KCNQ5: variants seen among roughly 807,000 people sequenced by gnomAD.
KCNQ5 encodes the protein potassium voltage-gated channel subfamily KQT member 5.
KCNQ5 carries 30 observed loss-of-function variants against 98.2 expected under a neutral mutation model. The observed-to-expected ratio is 0.31, with a 90% CI of 0.23 to 0.41. The LOEUF (loss-of-function observed/expected upper bound fraction) is 0.41. Among genes scored for constraint, KCNQ5 ranks in the 10% least tolerant of loss-of-function variants. The pLI is 1.00. For missense variants in KCNQ5, 835 were observed against 1,182.5 expected (o/e 0.71, Z 4.31); for synonymous variants, 458 against 449.4 (o/e 1.02, Z -0.24).
chr6:72,731,696 A>T (rs918416342), intron 1 of KCNQ5, among the ~76,000 whole-genome samples: 2 of 152,170 alleles, frequency 1.3e-5, no homozygotes, highest in African/African-American at 4.8e-5. Context: ...AATACTTTCC[A>T]AGAAGTCCCA....
intron 1 of KCNQ5, among the ~76,000 whole-genome samples, chr6:72,786,063 C>T (rs1773724436): frequency 6.6e-6 from 1 of 152,006 alleles, no homozygotes; most frequent in Non-Finnish European, 1.5e-5. Flanking sequence ...TTGATTTAAA[C>T]CAGTATATGC....
At chr6:72,872,303 T>C (rs1001097326) in intron 1 of KCNQ5, among the ~76,000 whole-genome samples, 3 of 152,328 alleles carry the variant, frequency 2.0e-5, no homozygotes, top group African/African-American at 4.8e-5. Context: ...TCTGTTATAA[T>C]GTCACTTTTG....
At chr6:73,114,104 T>C (rs1775381992) in intron 7 of KCNQ5, among the ~76,000 whole-genome samples, 1 of 152,140 alleles carries the variant, frequency 6.6e-6, no homozygotes, top group Non-Finnish European at 1.5e-5. Flanking sequence ...GAAATAATAA[T>C]ATAATTATTA....
intron 10 of KCNQ5, among the ~76,000 whole-genome samples, chr6:73,158,827 T>A (rs917317211): frequency 4.6e-5 from 7 of 152,220 alleles, no homozygotes; most frequent in Non-Finnish European, 1.0e-4. Context: ...TGCACATTTT[T>A]AAATATTTTC....
intron 11 of KCNQ5, among the ~76,000 whole-genome samples, chr6:73,173,956 A>G (rs1370283965): frequency 6.6e-6 from 1 of 152,192 alleles, no homozygotes; most frequent in Non-Finnish European, 1.5e-5. Flanking sequence ...AATGCAACGT[A>G]TAAGTACTGT....
chr6:72,718,542 C>T (rs1023398478), intron 1 of KCNQ5, among the ~76,000 whole-genome samples: 3 of 150,308 alleles, frequency 2.0e-5, no homozygotes, highest in African/African-American at 4.9e-5. Flanking sequence ...CCTCCGCCTC[C>T]CAGGTTCAAG....
chr6:72,825,972 A>G (rs1188800567), intron 1 of KCNQ5, among the ~76,000 whole-genome samples: 1 of 152,134 alleles, frequency 6.6e-6, no homozygotes, highest in Non-Finnish European at 1.5e-5. Context: ...AGTTGCCTCC[A>G]TGGGGGTCAA....
intron 1 of KCNQ5, chr6:72,987,611 AGCAGAACCTGC>A: frequency 1.7e-6 from 1 of 589,712 alleles, no homozygotes; most frequent in Non-Finnish European, 3.1e-6. Context: ...CAGAACCTGC[AGCAGAACCTGC>A]AGCAGGACTG....
intron 9 of KCNQ5, among the ~76,000 whole-genome samples, chr6:73,131,366 A>T (rs549967831): frequency 1.3e-5 from 2 of 152,282 alleles, no homozygotes; most frequent in South Asian, 4.1e-4. Context: ...ATTTGATATT[A>T]ACTAAAACCA....
Position 73,190,713 on chromosome 6 carries a change from T to C in KCNQ5, c.1709+9T>C, listed in dbSNP as rs201977979. ...AAAAGCCTTCAAACACGGTAAGCAATGGAAATGTCATTCCTTGTAAAGGAA... is the reference window on the plus strand; with the variant it reads ...AAAAGCCTTCAAACACGGTAAGCAACGGAAATGTCATTCCTTGTAAAGGAA... On this transcript the variant is annotated intron_variant, in intron 12 of 13. Transcript: ENST00000370398. The C allele has an allele frequency of 6.6e-6, 10 of 1,518,808 alleles. No homozygotes were observed. The East Asian group carries it at 2.1e-4, about 32-fold the overall frequency. 94.1% of individuals were successfully genotyped at this position (1,518,808 alleles called of 1,614,324 possible).
intron 10 of KCNQ5, among the ~76,000 whole-genome samples, chr6:73,150,502 A>G (rs987592136): frequency 3.0e-5 from 4 of 132,988 alleles, no homozygotes; most frequent in African/African-American, 1.5e-4. Context: ...ATAATATATT[A>G]ATATATTGCA....
At chr6:72,878,814 C>T (rs996997184) in intron 1 of KCNQ5, among the ~76,000 whole-genome samples, 1 of 152,058 alleles carries the variant, frequency 6.6e-6, no homozygotes, top group Non-Finnish European at 1.5e-5. Flanking sequence ...TTCAGACTAT[C>T]GTTCTTTCAC....
chr6:72,922,653 T>A (rs1044891564), intron 1 of KCNQ5, among the ~76,000 whole-genome samples: 1 of 152,156 alleles, frequency 6.6e-6, no homozygotes, highest in African/African-American at 2.4e-5. Flanking sequence ...AGTGAGATCA[T>A]GCGGTATTTG....
chr6:72,800,024 A>G (rs890394781), intron 1 of KCNQ5, among the ~76,000 whole-genome samples: 27 of 152,210 alleles, frequency 1.8e-4, no homozygotes, highest in Non-Finnish European at 3.1e-4. Context: ...AAAAAAATTT[A>G]CTTTGATTAC....
At chr6:72,790,679 G>A (rs1239624421) in intron 1 of KCNQ5, among the ~76,000 whole-genome samples, 1 of 152,072 alleles carries the variant, frequency 6.6e-6, no homozygotes, top group Non-Finnish European at 1.5e-5. Flanking sequence ...CAGATTGTTT[G>A]TAACACAAAG....
Position 72,907,608 on chromosome 6 carries a change from C to T in KCNQ5, c.399-96300C>T, listed in dbSNP as rs9341389. ...TGTTTATTTCCTCCTAGGCTATCTC[C>T]TTTTCTTCCTTGACATTCCTATCAA... On this transcript the variant is annotated intron_variant, in intron 1 of 13. Coordinates refer to ENST00000370398, the MANE Select transcript of KCNQ5 (RefSeq NM_019842.4). Among the ~76,000 whole-genome samples, 936 of 152,210 alleles carry T rather than the reference C, an allele frequency of 6.1e-3. 31 individuals are homozygous for T. In the East Asian group the frequency reaches 0.088, roughly 14 times the overall value.
intron 1 of KCNQ5, among the ~76,000 whole-genome samples, chr6:72,981,047 C>T (rs1424669464): frequency 2.0e-5 from 3 of 152,012 alleles, no homozygotes; most frequent in African/African-American, 4.8e-5. Flanking sequence ...TGATGTGCTG[C>T]TGATTTGGTT....
intron 1 of KCNQ5, among the ~76,000 whole-genome samples, chr6:72,880,682 T>G (rs1778603773): frequency 6.6e-6 from 1 of 152,218 alleles, no homozygotes; most frequent in South Asian, 2.1e-4. Context: ...TTCTATTTCA[T>G]TTTCTACTTT....
intron 1 of KCNQ5, among the ~76,000 whole-genome samples, chr6:72,735,579 C>A (rs952765881): frequency 1.3e-5 from 2 of 151,862 alleles, no homozygotes; most frequent in African/African-American, 4.8e-5. Context: ...AAAGAAAAAT[C>A]TTAATTTTTA....
Sources: allele counts gnomAD v4.1 joint callset (sites outside exome capture counted in the v4.1 genomes callset), GRCh38; gene constraint gnomAD v4.1.1; transcripts MANE v1.5; gene names NCBI Gene and HGNC (gene_info 2026-07-23, HGNC 2026-07-21).